PRKAA2: variants seen among roughly 807,000 people sequenced by gnomAD.
The protein encoded by PRKAA2 is 5'-AMP-activated protein kinase catalytic subunit alpha-2.
PRKAA2 carries 40 observed loss-of-function variants against 56.3 expected under a neutral mutation model. That is an observed-to-expected ratio of 0.71 (90% CI 0.55 to 0.92). PRKAA2 has a LOEUF of 0.92. Among genes scored for constraint, PRKAA2 ranks in the 40% least tolerant of loss-of-function variants. The probability of loss-of-function intolerance (pLI) is 0.00; values close to 1 mark genes in which losing one functional copy is unlikely to be tolerated. For missense variants in PRKAA2, 542 were observed against 686.9 expected (o/e 0.79, Z 2.36); for synonymous variants, 214 against 234.2 (o/e 0.91, Z 0.79).
chr1:56,707,026 G>T (rs1464386162), intron 8 of PRKAA2, among the ~76,000 whole-genome samples: 1 of 152,136 alleles, frequency 6.6e-6, no homozygotes, highest in Non-Finnish European at 1.5e-5. Context: ...TCTGGAGATT[G>T]GTCCTGGGAA....
intron 1 of PRKAA2, among the ~76,000 whole-genome samples, chr1:56,647,717 GTT>G (rs35387564): frequency 1.0e-4 from 15 of 147,622 alleles, no homozygotes; most frequent in Admixed American, 4.7e-4. Context: ...AAAAAGTCAT[GTT>G]TTTTTTTTTT....
At chr1:56,682,996 G>A (rs1644165792) in intron 2 of PRKAA2, among the ~76,000 whole-genome samples, 1 of 151,156 alleles carries the variant, frequency 6.6e-6, no homozygotes, top group African/African-American at 2.4e-5. Context: ...GAGAGAAATG[G>A]ATGGATTTGA....
In PRKAA2 at chr1:56,708,428, C is replaced by T. The variant is rs1644347147; in HGVS notation, c.*715C>T. On this transcript the variant is annotated 3_prime_UTR_variant, in exon 9 of 9. Coordinates refer to ENST00000371244, the MANE Select transcript of PRKAA2 (RefSeq NM_006252.4). ...TTCAAGTTTCAAATTAATATTGGAA[C>T]ATCTGGAATTGCAACAACTTTTGTC... The T allele has an allele frequency of 6.6e-6, 1 of 152,168 alleles. No individual in the cohort carries two copies. The highest frequency in any genetic ancestry group is 1.5e-5 in the Non-Finnish European group (1 of 68,026). 9.4% of individuals were successfully genotyped at this position (152,168 alleles called of 1,614,324 possible).
At chr1:56,646,549 T>G (rs1124900) in intron 1 of PRKAA2, among the ~76,000 whole-genome samples, 69,795 of 152,000 alleles carry the variant, frequency 0.46, 16,488 homozygotes, top group Middle Eastern at 0.55. Flanking sequence ...TAGTCACATG[T>G]GATTTAATTA....
intron 2 of PRKAA2, among the ~76,000 whole-genome samples, chr1:56,685,394 A>G (rs1238157094): frequency 6.6e-6 from 1 of 152,188 alleles, no homozygotes; most frequent in African/African-American, 2.4e-5. Context: ...GATGGCCTGC[A>G]CTTCAAAGAC....
rs1205911508 is a variant in PRKAA2, at chr1:56,712,840, A to G, written c.*5127A>G. On this transcript the variant is annotated 3_prime_UTR_variant, in exon 9 of 9. Transcript: ENST00000371244. ...GCATGCCAGCCTGGGTGACAGCACAAGACTGTCTCAAAAAAAAACAAAAAA... is the reference window on the plus strand; with the variant it reads ...GCATGCCAGCCTGGGTGACAGCACAGGACTGTCTCAAAAAAAAACAAAAAA... 1 of 151,910 alleles carries G rather than the reference A, an allele frequency of 6.6e-6. No homozygotes were observed. The highest frequency in any genetic ancestry group is 2.4e-5 in the African/African-American group (1 of 41,336). 9.4% of individuals were successfully genotyped at this position (151,910 alleles called of 1,614,324 possible).
chr1:56,713,556 T>C lies in PRKAA2; in HGVS notation c.*5843T>C, dbSNP rs1034939798. The C allele has an allele frequency of 5.3e-5, 8 of 152,084 alleles. No homozygotes were observed. The highest frequency in any genetic ancestry group is 1.4e-4 in the African/African-American group (6 of 41,420). The allele number at this position is 152,084 out of a possible 1,614,324, so 9.4% of individuals were successfully genotyped here. A position where few individuals can be genotyped will look rare whatever the true frequency, so the allele number is the denominator to read the frequency against. On this transcript the variant is annotated 3_prime_UTR_variant, in exon 9 of 9. Coordinates refer to ENST00000371244, the MANE Select transcript of PRKAA2 (RefSeq NM_006252.4). ...AAAAATGAAAAAAGAATTTGGAGAATATCCTGGCATGAAAACTTTTTTGAA... is the reference window on the plus strand; with the variant it reads ...AAAAATGAAAAAAGAATTTGGAGAACATCCTGGCATGAAAACTTTTTTGAA...
At chr1:56,697,438 G>C (rs896540657) in intron 6 of PRKAA2, among the ~76,000 whole-genome samples, 1 of 151,868 alleles carries the variant, frequency 6.6e-6, no homozygotes, top group Non-Finnish European at 1.5e-5. Context: ...GATTCTTTTT[G>C]CATTTATGTA....
intron 6 of PRKAA2, among the ~76,000 whole-genome samples, chr1:56,703,658 C>T (rs1644310967): frequency 6.6e-6 from 1 of 152,164 alleles, no homozygotes; most frequent in Non-Finnish European, 1.5e-5. Context: ...ACAAATAATA[C>T]AAAATTTGAA....
intron 1 of PRKAA2, among the ~76,000 whole-genome samples, chr1:56,663,680 G>T (rs1335422808): frequency 3.3e-5 from 5 of 152,176 alleles, no homozygotes; most frequent in African/African-American, 1.2e-4. Flanking sequence ...AAACTAAATC[G>T]ATTGACATGC....
chr1:56,646,168 G>A (rs1483152818), intron 1 of PRKAA2, among the ~76,000 whole-genome samples: 2 of 152,150 alleles, frequency 1.3e-5, no homozygotes, highest in Non-Finnish European at 2.9e-5. Context: ...GTGACTGTTT[G>A]GGGGATGCTC....
Position 56,706,124 on chromosome 1 carries a change from A to G in PRKAA2, c.1326A>G (p.Arg442=). The G allele has an allele frequency of 6.2e-7, 1 of 1,612,536 alleles. No homozygotes were observed. Among genetic ancestry groups the G allele is most frequent in the Middle Eastern group, 1.7e-4 (1 of 6,056 alleles). The change falls in exon 8 of 9, where the codon AGA becomes AGG. Residue 442 remains arginine, a synonymous_variant. Coordinates refer to ENST00000371244, the MANE Select transcript of PRKAA2 (RefSeq NM_006252.4). ...VVNAYHLRVR[R]KNPVTGNYVK... is the part of the protein sequence containing the mutation. Reference sequence around the variant, plus strand: ...ATGCATACCATCTTCGTGTAAGAAGAAAAAATCCAGTGACTGGCAATTACG... The same window carrying G: ...ATGCATACCATCTTCGTGTAAGAAGGAAAAATCCAGTGACTGGCAATTACG...
At chr1:56,647,264 A>G (rs1375695982) in intron 1 of PRKAA2, among the ~76,000 whole-genome samples, 1 of 152,214 alleles carries the variant, frequency 6.6e-6, no homozygotes, top group African/African-American at 2.4e-5. Context: ...ATTAAGGACT[A>G]TTGTGTTACA....
intron 1 of PRKAA2, among the ~76,000 whole-genome samples, chr1:56,673,141 G>T (rs1176840607): frequency 2.0e-5 from 3 of 152,030 alleles, no homozygotes; most frequent in Admixed American, 6.6e-5. Flanking sequence ...GGAGGCTGAG[G>T]CAGGAGGATC....
At chr1:56,674,315 A>G in intron 1 of PRKAA2, 66 bp from the exon 2 acceptor site, 1 of 1,372,634 alleles carries the variant, frequency 7.3e-7, no homozygotes, top group Non-Finnish European at 9.8e-7. Context: ...GCACAATGGA[A>G]GGAAGCATGA....
chr1:56,672,154 G>A (rs1397047848), intron 1 of PRKAA2, among the ~76,000 whole-genome samples: 2 of 152,114 alleles, frequency 1.3e-5, no homozygotes, highest in East Asian at 3.8e-4. Context: ...GTCTCACTCT[G>A]TCACCCAGGC....
At position 56,709,613 on chromosome 1, in the gene PRKAA2, CAG is replaced by C. The variant is rs1644356455; in HGVS notation, c.*1901_*1902del. The C allele has an allele frequency of 6.6e-6, 1 of 152,064 alleles. No individual in the cohort carries two copies. The highest frequency in any genetic ancestry group is 2.1e-4 in the South Asian group (1 of 4,832). 9.4% of individuals were successfully genotyped at this position (152,064 alleles called of 1,614,324 possible). On this transcript the variant is annotated 3_prime_UTR_variant, in exon 9 of 9. Transcript: ENST00000371244. ...GGTCCATACCTCTTTTGGGAAAAAA[CAG>C]GGCCACCTCATAATATTTGCCTGAT...
intron 1 of PRKAA2, among the ~76,000 whole-genome samples, chr1:56,659,092 C>T (rs780414371): frequency 9.2e-5 from 14 of 151,790 alleles, no homozygotes; most frequent in Non-Finnish European, 5.9e-5. Flanking sequence ...CATGAACCAC[C>T]ATGCTTGGCT....
At chr1:56,691,265 CAT>C (rs1364651166) in intron 2 of PRKAA2, 127 bp from the exon 3 acceptor site, 3 of 519,816 alleles carry the variant, frequency 5.8e-6, no homozygotes, top group African/African-American at 1.9e-5. Context: ...ATTTTGATAA[CAT>C]GTAATTTGTT....
Sources: gnomAD v4.1 joint callset for allele counts (sites outside exome capture counted in the v4.1 genomes callset) on GRCh38, gnomAD v4.1.1 for gene constraint, MANE v1.5 for transcripts, NCBI Gene and HGNC (gene_info 2026-07-23, HGNC 2026-07-21) for gene names.